Variants in CDK5RAP2 observed in about 807,000 individuals in gnomAD.
CDK5RAP2 encodes CDK5 regulatory subunit-associated protein 2.
In CDK5RAP2, 147 loss-of-function variants were observed where a neutral mutation model predicts 232.9. The ratio of observed to expected loss-of-function variants is 0.63; its 90% CI spans 0.55 to 0.72. CDK5RAP2 has a LOEUF of 0.72. CDK5RAP2 is among the 30% of genes least tolerant of loss of function. The probability of loss-of-function intolerance (pLI) is 0.00; values close to 1 mark genes in which losing one functional copy is unlikely to be tolerated. For missense variants in CDK5RAP2, 2,195 were observed against 2,231.5 expected (o/e 0.98, Z 0.33); for synonymous variants, 833 against 833.7 (o/e 1.00, Z 0.01).
At position 120,394,538 on chromosome 9, in the gene CDK5RAP2, C is replaced by T. The variant is rs769433619; in HGVS notation, c.5552G>A (p.Arg1851His). The change falls in exon 36 of 38, where the codon CGC becomes CAC. Residue 1851 changes from arginine (R) to histidine (H), a missense_variant. Physicochemically the swap from Arg to His is conservative, Grantham distance 29 (BLOSUM62 0). Coordinates refer to ENST00000349780, the MANE Select transcript of CDK5RAP2 (RefSeq NM_018249.6). ...TTGATCAAAGATGACTTTTTCCTGG[C>T]GCTTGCTCAGCTGCAAAAGCTTCAT... ...NTMKLLQLSK[R>H]QEKVIFDQLV... The T allele has an allele frequency of 7.4e-6, 12 of 1,614,182 alleles. No homozygotes were observed. In the East Asian group the frequency reaches 1.1e-4, roughly 15 times the overall value.
intron 25 of CDK5RAP2, among the ~76,000 whole-genome samples, chr9:120,424,128 G>C (rs574117999): frequency 6.6e-6 from 1 of 152,306 alleles, no homozygotes; most frequent in South Asian, 2.1e-4. Context: ...TAGTACCTCT[G>C]TTTTAAAGCA....
At chr9:120,527,146 G>A (rs1203693000) in intron 10 of CDK5RAP2, among the ~76,000 whole-genome samples, 2 of 152,160 alleles carry the variant, frequency 1.3e-5, no homozygotes, top group African/African-American at 4.8e-5. Context: ...ACAATAGGTT[G>A]CCATAGTAAG....
At chr9:120,401,352 G>A (rs1284335042) in intron 34 of CDK5RAP2, among the ~76,000 whole-genome samples, 1 of 151,982 alleles carries the variant, frequency 6.6e-6, no homozygotes, top group African/African-American at 2.4e-5. Context: ...CGGTATCAAG[G>A]GCACAAGAAA....
At chr9:120,547,023 G>A (rs1171862456) in intron 4 of CDK5RAP2, among the ~76,000 whole-genome samples, 7 of 149,846 alleles carry the variant, frequency 4.7e-5, no homozygotes. Flanking sequence ...TCTTGCTCTT[G>A]TCACCCAGTC....
chr9:120,529,911 A>T (rs1588580655), intron 8 of CDK5RAP2, 67 bp downstream of exon 8: 1 of 1,477,470 alleles, frequency 6.8e-7, no homozygotes, highest in East Asian at 2.3e-5. Context: ...CCGAATGCGC[A>T]TTCCATCTCC....
chr9:120,528,002 A>T, intron 9 of CDK5RAP2, 77 bp from the exon 10 acceptor site: 2 of 1,542,432 alleles, frequency 1.3e-6, no homozygotes, highest in Admixed American at 1.7e-5. Context: ...CTTTAAGAGC[A>T]CACTCAAATG....
chr9:120,395,877 A>T (rs940191318), intron 35 of CDK5RAP2, among the ~76,000 whole-genome samples: 24 of 152,250 alleles, frequency 1.6e-4, no homozygotes, highest in Non-Finnish European at 5.9e-5. Context: ...ACTATAAAAG[A>T]TGTGGGAGGA....
At chr9:120,456,455 G>C (rs1176073092) in intron 20 of CDK5RAP2, among the ~76,000 whole-genome samples, 1 of 152,168 alleles carries the variant, frequency 6.6e-6, no homozygotes, top group Non-Finnish European at 1.5e-5. Flanking sequence ...TGAGGGGAGA[G>C]AGAAGGCCCT....
At chr9:120,451,198 A>G (rs1291272349) in intron 21 of CDK5RAP2, among the ~76,000 whole-genome samples, 1 of 152,218 alleles carries the variant, frequency 6.6e-6, no homozygotes, top group Non-Finnish European at 1.5e-5. Context: ...TATGGACTCT[A>G]AACAGAGTCC....
chr9:120,524,364 G>A (rs571874505), intron 11 of CDK5RAP2, among the ~76,000 whole-genome samples: 1 of 152,314 alleles, frequency 6.6e-6, no homozygotes, highest in East Asian at 1.9e-4. Flanking sequence ...AATACGGCCG[G>A]GCGCAGTGGT....
intron 3 of CDK5RAP2, among the ~76,000 whole-genome samples, chr9:120,552,824 C>G (rs1294275830): frequency 1.3e-5 from 2 of 151,300 alleles, no homozygotes; most frequent in Non-Finnish European, 2.9e-5. Flanking sequence ...GCACATGTAC[C>G]CTAAAACTTA....
At chr9:120,448,446 T>C (rs1350703702) in intron 21 of CDK5RAP2, among the ~76,000 whole-genome samples, 1 of 152,216 alleles carries the variant, frequency 6.6e-6, no homozygotes, top group Non-Finnish European at 1.5e-5. Flanking sequence ...TTGCTCCTTA[T>C]CTATTTCCTT....
chr9:120,500,113 G>T (rs997224040), intron 12 of CDK5RAP2, among the ~76,000 whole-genome samples: 3 of 152,196 alleles, frequency 2.0e-5, no homozygotes, highest in African/African-American at 7.2e-5. Flanking sequence ...TAGTCTAAAG[G>T]AAAGGCGGGA....
chr9:120,557,692 G>A (rs989565685), intron 3 of CDK5RAP2, among the ~76,000 whole-genome samples: 2 of 151,538 alleles, frequency 1.3e-5, no homozygotes, highest in Admixed American at 6.6e-5. Flanking sequence ...CCAGGAGGTC[G>A]AAGCTACAGT....
intron 4 of CDK5RAP2, among the ~76,000 whole-genome samples, chr9:120,547,343 C>T (rs1413113903): frequency 6.6e-6 from 1 of 151,964 alleles, no homozygotes; most frequent in Non-Finnish European, 1.5e-5. Context: ...GTGGTTCACA[C>T]CTATAACCCT....
chr9:120,448,005 T>A lies in CDK5RAP2; in HGVS notation c.2915A>T (p.Gln972Leu). The A allele has an allele frequency of 1.2e-6, 2 of 1,614,124 alleles. No homozygotes were observed. The highest frequency in any genetic ancestry group is 1.7e-6 in the Non-Finnish European group (2 of 1,179,980). ...TQLQSQILELQGELKEFKTCN... is the reference protein window; with the variant it reads ...TQLQSQILELLGELKEFKTCN... ...AGTTTTAAACTCCTTCAGCTCCCCC[T>A]GCAGCTCCAAGATCTGGCTCTGCAG... The change falls in exon 22 of 38, where the codon CAG becomes CTG. Residue 972 changes from glutamine (Q) to leucine (L), a missense_variant. Coordinates refer to ENST00000349780, the MANE Select transcript of CDK5RAP2 (RefSeq NM_018249.6).
intron 18 of CDK5RAP2, 84 bp from the exon 19 acceptor site, chr9:120,460,751 T>G: frequency 1.3e-6 from 2 of 1,570,820 alleles, no homozygotes; most frequent in Non-Finnish European, 1.7e-6. Flanking sequence ...GTGATGTCTT[T>G]TTTTTTTTAA....
chr9:120,434,886 A>G (rs2035486871), intron 25 of CDK5RAP2, among the ~76,000 whole-genome samples: 1 of 152,192 alleles, frequency 6.6e-6, no homozygotes, highest in Non-Finnish European at 1.5e-5. Flanking sequence ...TCCAGTCCCA[A>G]TGGGTTTAAG....
intron 13 of CDK5RAP2, among the ~76,000 whole-genome samples, chr9:120,491,009 G>A (rs1236176715): frequency 6.6e-6 from 1 of 152,208 alleles, no homozygotes; most frequent in East Asian, 1.9e-4. Flanking sequence ...AGTATTTGCA[G>A]TAGAAGAACC....
Sources: allele counts gnomAD v4.1 joint callset (sites outside exome capture counted in the v4.1 genomes callset), GRCh38; gene constraint gnomAD v4.1.1; transcripts MANE v1.5; gene names NCBI Gene and HGNC (gene_info 2026-07-23, HGNC 2026-07-21).